TUBG1: variants seen among roughly 807,000 people sequenced by gnomAD.
TUBG1 encodes tubulin gamma 1.
A neutral mutation model predicts 53.3 loss-of-function variants in TUBG1; 22 were observed. The ratio of observed to expected loss-of-function variants is 0.41; its 90% confidence interval spans 0.29 to 0.59. The LOEUF is 0.59. Among genes scored for constraint, TUBG1 ranks in the 20% least tolerant of loss-of-function variants. The pLI is 0.26. For missense variants in TUBG1, 217 were observed against 598.9 expected (o/e 0.36, Z 6.66); for synonymous variants, 198 against 236.7 (o/e 0.84, Z 1.50).
intron 3 of TUBG1, 55 bp downstream of exon 3, chr17:42,610,645 A>C: frequency 6.2e-7 from 1 of 1,611,660 alleles, no homozygotes; most frequent in Middle Eastern, 1.7e-4. Flanking sequence ...GACAGGCTCT[A>C]TGACGTCCCG....
chr17:42,610,893 G>A (rs2052026623), intron 3 of TUBG1: 2 of 335,732 alleles, frequency 6.0e-6, no homozygotes, highest in Non-Finnish European at 1.1e-5. Context: ...GAAACCAAAG[G>A]ACATTTCATA....
Position 42,612,438 on chromosome 17 carries a change from G to C in TUBG1, c.411G>C (p.Leu137=), listed in dbSNP as rs1009811763. The C allele has an allele frequency of 6.2e-7, 1 of 1,613,832 alleles. No homozygotes were observed. The highest frequency in any genetic ancestry group is 8.5e-7 in the Non-Finnish European group (1 of 1,179,976). Residue 137 remains leucine, a synonymous_variant, in exon 5 of 11, where the codon CTG becomes CTC. Transcript: ENST00000251413. ...DGSDSLEGFV[L]CHSIAGGTGS... The stretch of plus-strand genomic sequence containing the variant: ...CCTTCCCCATGCAGGGCTTTGTGCT[G>C]TGTCACTCCATTGCTGGGGGGACAG...
Position 42,610,608 on chromosome 17 carries a change from G to C in TUBG1, c.330+18G>C, listed in dbSNP as rs376003640. On this transcript the variant is annotated intron_variant, in intron 3 of 10. Transcript: ENST00000251413. ...TCTCCCAGGTCGTTTCCTATTCCCT[G>C]GCAGGGCCCACAACTCGCTGGGTAG... The C allele has an allele frequency of 6.2e-7, 1 of 1,614,162 alleles. No homozygotes were observed. Among genetic ancestry groups the C allele is most frequent in the Non-Finnish European group, 8.5e-7 (1 of 1,179,998 alleles).
In TUBG1 at chr17:42,614,165, C is replaced by T; in HGVS notation, c.844-95C>T. The T allele has an allele frequency of 1.3e-6, 2 of 1,597,790 alleles. No homozygotes were observed. The highest frequency in any genetic ancestry group is 1.7e-5 in the Admixed American group (1 of 58,672). Reference sequence around the variant, plus strand: ...GGCGACTTTCTTGCTGACTTGCTCTCCACCCTCCCTCTGCCTTTGGCTTCT... The same window carrying T: ...GGCGACTTTCTTGCTGACTTGCTCTTCACCCTCCCTCTGCCTTTGGCTTCT... On this transcript the variant is annotated intron_variant, in intron 8 of 10. Transcript: ENST00000251413. The surrounding 1 kb of genome is among the most constrained non-coding windows in gnomAD (Gnocchi z 5.1).
Position 42,609,737 on chromosome 17 carries a change from G to A in TUBG1, c.-1G>A, listed in dbSNP as rs1187204091. Reference sequence around the variant, plus strand: ...GCTGCAACGCCGGTGCCTGAGGAGCGATGCCGAGGGAAATCATCACCCTAC... The same window carrying A: ...GCTGCAACGCCGGTGCCTGAGGAGCAATGCCGAGGGAAATCATCACCCTAC... On this transcript the variant is annotated 5_prime_UTR_variant, in exon 1 of 11. Coordinates refer to ENST00000251413, the MANE Select transcript of TUBG1 (RefSeq NM_001070.5). 7 of 1,550,432 alleles carry A rather than the reference G, an allele frequency of 4.5e-6. No individual in the cohort carries two copies. The highest frequency in any genetic ancestry group is 5.2e-6 in the Non-Finnish European group (6 of 1,146,502).
At chr17:42,610,838 A>G in intron 3 of TUBG1, 1 of 483,358 alleles carries the variant, frequency 2.1e-6, no homozygotes, top group Non-Finnish European at 3.6e-6. Flanking sequence ...TAAGTACTAC[A>G]GGTCCACAGT....
At position 42,614,167 on chromosome 17, in the gene TUBG1, A is replaced by G; in HGVS notation, c.844-93A>G. 1 of 1,596,590 alleles carries G rather than the reference A, an allele frequency of 6.3e-7. No homozygotes were observed. The highest frequency in any genetic ancestry group is 1.7e-5 in the Admixed American group (1 of 58,686). ...CGACTTTCTTGCTGACTTGCTCTCC[A>G]CCCTCCCTCTGCCTTTGGCTTCTGC... On this transcript the variant is annotated intron_variant, in intron 8 of 10. Coordinates refer to ENST00000251413, the MANE Select transcript of TUBG1 (RefSeq NM_001070.5). This position sits in a 1 kb window ranked among gnomAD's most constrained non-coding sequence, Gnocchi z 5.1.
rs2052040921 is a variant in TUBG1 at position 42,612,073 on chromosome 17, A to T, written c.331-2A>T. 1.9e-6 allele frequency: 3 copies of T among 1,614,042 alleles called. No individual in the cohort carries two copies. Among genetic ancestry groups the T allele is most frequent in the Non-Finnish European group, 2.5e-6 (3 of 1,179,932 alleles). ...CTCTGACCCTCCCCTATGTCTGTACAGGGAGAAAAGATCCATGAGGACATT... is the reference window on the plus strand; with the variant it reads ...CTCTGACCCTCCCCTATGTCTGTACTGGGAGAAAAGATCCATGAGGACATT... On this transcript the variant is annotated splice_acceptor_variant, in intron 3 of 10. Coordinates refer to ENST00000251413, the MANE Select transcript of TUBG1 (RefSeq NM_001070.5). LOFTEE classifies it high-confidence loss of function.
chr17:42,612,105 AT>A lies in TUBG1; in HGVS notation c.362del (p.Ile121ThrfsTer2). On this transcript the variant is annotated frameshift_variant, in exon 4 of 11. Coordinates refer to ENST00000251413, the MANE Select transcript of TUBG1 (RefSeq NM_001070.5). LOFTEE classifies it high-confidence loss of function. ...GEKIHEDIFD[I>X]IDREADGSDS... ...AAAGATCCATGAGGACATTTTTGACATCATAGACCGGGAGGCAGATGGTAGT... is the reference window on the plus strand; with the variant it reads ...AAAGATCCATGAGGACATTTTTGACACATAGACCGGGAGGCAGATGGTAGT... The A allele has an allele frequency of 5.6e-6, 9 of 1,614,148 alleles. No homozygotes were observed. The highest frequency in any genetic ancestry group is 7.6e-6 in the Non-Finnish European group (9 of 1,180,000).
rs2143455357 is a variant in TUBG1, at chr17:42,614,001, A to G, written c.843+3A>G. On this transcript the variant is annotated splice_donor_region_variant and intron_variant, in intron 8 of 10. Transcript: ENST00000251413. This position sits in a 1 kb window ranked among gnomAD's most constrained non-coding sequence, Gnocchi z 5.1. ...CCCCTCTCACTACGGACCAGTCAGT[A>G]AGAGCAGCCTTCAGTGTCCCAGGCC... 1 of 1,614,174 alleles carries G rather than the reference A, an allele frequency of 6.2e-7. No homozygotes were observed. Among genetic ancestry groups the G allele is most frequent in the Non-Finnish European group, 8.5e-7 (1 of 1,180,034 alleles).
At position 42,614,184 on chromosome 17, in the gene TUBG1, G is replaced by A. The variant is rs2052058379; in HGVS notation, c.844-76G>A. The A allele has an allele frequency of 1.9e-6, 3 of 1,605,534 alleles. No homozygotes were observed. Among genetic ancestry groups the A allele is most frequent in the African/African-American group, 1.3e-5 (1 of 74,680 alleles). On this transcript the variant is annotated intron_variant, in intron 8 of 10. Coordinates refer to ENST00000251413, the MANE Select transcript of TUBG1 (RefSeq NM_001070.5). The surrounding 1 kb of genome is among the most constrained non-coding windows in gnomAD (Gnocchi z 5.1). Reference sequence around the variant, plus strand: ...TGCTCTCCACCCTCCCTCTGCCTTTGGCTTCTGCCAAAGAGAAGCCAAAGG... The same window carrying A: ...TGCTCTCCACCCTCCCTCTGCCTTTAGCTTCTGCCAAAGAGAAGCCAAAGG...
chr17:42,610,735 G>A, intron 3 of TUBG1, 145 bp downstream of exon 3: 1 of 1,179,654 alleles, frequency 8.5e-7, no homozygotes, highest in Non-Finnish European at 1.2e-6. Context: ...ATGTAATATT[G>A]TCAAGCGCCT....
chr17:42,609,860 T>TC, intron 1 of TUBG1, 74 bp downstream of exon 1: 1 of 1,503,276 alleles, frequency 6.7e-7, no homozygotes, highest in Non-Finnish European at 8.9e-7. Context: ...GATCCTGGAC[T>TC]CCATCTGTCC....
In TUBG1 at chr17:42,610,096, C is replaced by G; in HGVS notation, c.50-12C>G. ...ATATCTTCTTTCTCCCCTGCCCGCC[C>G]CTTCCCCCCAGTTGGGTTCGAGTTC... On this transcript the variant is annotated splice_polypyrimidine_tract_variant and intron_variant, in intron 1 of 10. Coordinates refer to ENST00000251413, the MANE Select transcript of TUBG1 (RefSeq NM_001070.5). The G allele has an allele frequency of 6.2e-7, 1 of 1,614,100 alleles. No homozygotes were observed. Among genetic ancestry groups the G allele is most frequent in the Non-Finnish European group, 8.5e-7 (1 of 1,179,954 alleles).
intron 6 of TUBG1, 27 bp from the exon 7 acceptor site, chr17:42,613,620 A>C: frequency 6.2e-7 from 1 of 1,613,968 alleles, no homozygotes; most frequent in Non-Finnish European, 8.5e-7. Context: ...ATCCCCATTG[A>C]TCTGTGATCC....
At position 42,612,498 on chromosome 17, in the gene TUBG1, G is replaced by C; in HGVS notation, c.471G>C (p.Leu157=). 6.2e-7 allele frequency: 1 copy of C among 1,614,042 alleles called. No homozygotes were observed. The highest frequency in any genetic ancestry group is 8.5e-7 in the Non-Finnish European group (1 of 1,179,996). Residue 157 remains leucine, a synonymous_variant, in exon 5 of 11, where the codon CTG becomes CTC. Coordinates refer to ENST00000251413, the MANE Select transcript of TUBG1 (RefSeq NM_001070.5). ...SGLGSYLLER[L]NDRYPKKLVQ... is the part of the protein sequence containing the mutation. The stretch of plus-strand genomic sequence containing the variant: ...TGGGTTCCTACCTCTTAGAACGGCT[G>C]AATGACAGGTAAGTTTGTGTTTGGG...
rs1054884925 is a variant in TUBG1 at position 42,614,676 on chromosome 17, A to G, written c.1158+19A>G. Reference sequence around the variant, plus strand: ...CTCCTCGGTGAGTCTCAAAGTTTGCACCTTTTTTCCCTGAATCAGTTTCCT... The same window carrying G: ...CTCCTCGGTGAGTCTCAAAGTTTGCGCCTTTTTTCCCTGAATCAGTTTCCT... On this transcript the variant is annotated intron_variant, in intron 10 of 10. Transcript: ENST00000251413. The surrounding 1 kb of genome is among the most constrained non-coding windows in gnomAD (Gnocchi z 5.1). The G allele has an allele frequency of 2.5e-6, 4 of 1,612,890 alleles. No homozygotes were observed. Among genetic ancestry groups the G allele is most frequent in the African/African-American group, 1.3e-5 (1 of 74,814 alleles).
Position 42,614,531 on chromosome 17 carries a change from G to A in TUBG1, c.1032G>A (p.Lys344=), listed in dbSNP as rs1159982568. 1 of 1,613,068 alleles carries A rather than the reference G, an allele frequency of 6.2e-7. No individual in the cohort carries two copies. Among genetic ancestry groups the A allele is most frequent in the Non-Finnish European group, 8.5e-7 (1 of 1,179,304 alleles). The change falls in exon 10 of 11, where the codon AAG becomes AAA. Residue 344 remains lysine (K), a synonymous_variant. Transcript: ENST00000251413. The surrounding 1 kb of genome is among the most constrained non-coding windows in gnomAD (Gnocchi z 5.1). ...HKSLQRIRER[K]LANFIPWGPA... Reference sequence around the variant, plus strand: ...GCTTGCAGAGGATCCGGGAACGCAAGTTGGCCAACTTCATCCCGTGGGGCC... The same window carrying A: ...GCTTGCAGAGGATCCGGGAACGCAAATTGGCCAACTTCATCCCGTGGGGCC...
Position 42,613,550 on chromosome 17 carries a change from T to C in TUBG1, c.607-97T>C, listed in dbSNP as rs2052052323. 3 of 1,582,662 alleles carry C rather than the reference T, an allele frequency of 1.9e-6. No homozygotes were observed. In the Admixed American group the frequency reaches 5.0e-5, roughly 27 times the overall value. On this transcript the variant is annotated intron_variant, in intron 6 of 10. Coordinates refer to ENST00000251413, the MANE Select transcript of TUBG1 (RefSeq NM_001070.5). ...TCTTTCCAGTGAGTCTTTCTGGCCA[T>C]GAAGCTCAAAGGAAATTAAGCTTCA...
Sources: gnomAD v4.1 joint callset for allele counts on GRCh38, gnomAD v4.1.1 for gene constraint, Gnocchi (gnomAD v3.1) non-coding constraint, MANE v1.5 for transcripts, NCBI Gene and HGNC (gene_info 2026-07-23, HGNC 2026-07-21) for gene names.